The following GRID1 variants were observed in gnomAD, a reference collection of about 807,000 sequenced individuals.
GRID1 encodes glutamate ionotropic receptor delta type subunit 1, also known as glutamate receptor ionotropic, delta-1.
In GRID1, 28 loss-of-function variants were observed where a neutral mutation model predicts 98.0. The observed-to-expected ratio is 0.29, with a 90% confidence interval of 0.21 to 0.39. GRID1 has a LOEUF of 0.39. GRID1 is among the 10% of genes least tolerant of loss of function. GRID1 has a pLI of 1.00. For missense variants in GRID1, 1,111 were observed against 1,340.5 expected (o/e 0.83, Z 2.67); for synonymous variants, 553 against 538.5 (o/e 1.03, Z -0.37).
chr10:85,747,135 C>T (rs986965703), intron 8 of GRID1, among the ~76,000 whole-genome samples: 4 of 152,106 alleles, frequency 2.6e-5, no homozygotes, highest in South Asian at 2.1e-4. Context: ...AGGCTCAGAA[C>T]GGTTAGGTGA....
intron 2 of GRID1, among the ~76,000 whole-genome samples, chr10:86,221,179 T>C (rs907573892): frequency 3.9e-5 from 6 of 152,186 alleles, no homozygotes; most frequent in Admixed American, 6.5e-5. Context: ...CCAGCAGGGA[T>C]GAGAGGGGCT....
At chr10:85,760,196 C>T (rs1842134177) in intron 8 of GRID1, among the ~76,000 whole-genome samples, 1 of 152,134 alleles carries the variant, frequency 6.6e-6, no homozygotes, top group Non-Finnish European at 1.5e-5. Context: ...TTTGTTTAGG[C>T]ACGAATAAGA....
chr10:85,665,939 C>T (rs913315181), intron 12 of GRID1, among the ~76,000 whole-genome samples: 6 of 152,030 alleles, frequency 3.9e-5, no homozygotes, highest in Non-Finnish European at 5.9e-5. Context: ...TCCACCAAGG[C>T]GAGGGTGGAG....
intron 3 of GRID1, among the ~76,000 whole-genome samples, chr10:86,161,023 A>G (rs1845314237): frequency 6.6e-6 from 1 of 152,154 alleles, no homozygotes; most frequent in Non-Finnish European, 1.5e-5. Context: ...GTTCTTGTGA[A>G]AAAGTGTTTA....
At chr10:85,654,751 A>G (rs1840874667) in intron 12 of GRID1, among the ~76,000 whole-genome samples, 1 of 152,210 alleles carries the variant, frequency 6.6e-6, no homozygotes, top group South Asian at 2.1e-4. Flanking sequence ...CTCAGGGCCC[A>G]TCAGTACTGA....
At chr10:86,109,515 C>CT in intron 4 of GRID1, among the ~76,000 whole-genome samples, 1 of 152,234 alleles carries the variant, frequency 6.6e-6, no homozygotes, top group Non-Finnish European at 1.5e-5. Flanking sequence ...CCTCTCATGT[C>CT]TCAACTCCAC....
chr10:86,059,301 G>A (rs1843618401), intron 4 of GRID1, among the ~76,000 whole-genome samples: 1 of 152,204 alleles, frequency 6.6e-6, no homozygotes, highest in Admixed American at 6.5e-5. Flanking sequence ...GTAACCTGCA[G>A]GTCACTCCTT....
At chr10:86,345,968 T>TCACTTCTTC (rs1463621915) in intron 2 of GRID1, among the ~76,000 whole-genome samples, 6 of 152,184 alleles carry the variant, frequency 3.9e-5, no homozygotes, top group Admixed American at 3.9e-4. Context: ...CACTTAAGAC[T>TCACTTCTTC]CAGCTCAGAA....
At position 86,183,657 on chromosome 10, in the gene GRID1, C is replaced by T. The variant is rs138118187; in HGVS notation, c.520+22707G>A. 4.0e-3 allele frequency among the ~76,000 whole-genome samples: 606 copies of T among 152,320 alleles called. 9 individuals carry two copies. The highest frequency in any genetic ancestry group is 0.014 in the African/African-American group (566 of 41,550). ...TACAGGCGTGAGCCACCACGCCCAG[C>T]CCAAAATGTTTTAATTCATTCACTT... On this transcript the variant is annotated intron_variant, in intron 3 of 15. Coordinates refer to ENST00000327946, the MANE Select transcript of GRID1 (RefSeq NM_017551.3).
intron 3 of GRID1, among the ~76,000 whole-genome samples, chr10:86,164,028 C>T (rs1344962540): frequency 6.6e-6 from 1 of 152,170 alleles, no homozygotes; most frequent in Non-Finnish European, 1.5e-5. Flanking sequence ...TCCAGCTGGC[C>T]ATAGTCCTAG....
chr10:85,945,297 A>C (rs2131840571), intron 4 of GRID1, among the ~76,000 whole-genome samples: 1 of 152,354 alleles, frequency 6.6e-6, no homozygotes, highest in Non-Finnish European at 1.5e-5. Flanking sequence ...ATAATTAAAA[A>C]CATATATGCT....
intron 13 of GRID1, among the ~76,000 whole-genome samples, chr10:85,641,252 T>C (rs1843112910): frequency 6.6e-6 from 1 of 152,220 alleles, no homozygotes; most frequent in East Asian, 1.9e-4. Context: ...CTTCATGTGA[T>C]GAAGTTATTA....
chr10:85,776,366 A>G (rs1231585414), intron 8 of GRID1, among the ~76,000 whole-genome samples: 1 of 152,262 alleles, frequency 6.6e-6, no homozygotes, highest in Admixed American at 6.5e-5. Context: ...AAGAACGTAG[A>G]GCAGACAATT....
intron 5 of GRID1, among the ~76,000 whole-genome samples, chr10:85,906,317 A>G (rs1336468594): frequency 2.0e-5 from 3 of 152,162 alleles, no homozygotes; most frequent in Admixed American, 1.3e-4. Context: ...GAGTATTTTA[A>G]TACTCCTCTC....
intron 2 of GRID1, among the ~76,000 whole-genome samples, chr10:86,318,307 T>C (rs1847925729): frequency 6.6e-6 from 1 of 152,210 alleles, no homozygotes; most frequent in Non-Finnish European, 1.5e-5. Context: ...ATTCTGCACA[T>C]CGCATGTAAC....
chr10:86,140,973 C>T (rs2131973537), intron 3 of GRID1, among the ~76,000 whole-genome samples: 1 of 152,204 alleles, frequency 6.6e-6, no homozygotes, highest in African/African-American at 2.4e-5. Flanking sequence ...GATCACCCAA[C>T]CATGACCTCA....
At chr10:86,200,411 G>C (rs1203429001) in intron 3 of GRID1, among the ~76,000 whole-genome samples, 1 of 152,174 alleles carries the variant, frequency 6.6e-6, no homozygotes, top group Admixed American at 6.5e-5. Flanking sequence ...CAGTGTCAGG[G>C]TGGAAGGAAT....
chr10:86,074,919 CTGAA>C (rs959980007), intron 4 of GRID1, among the ~76,000 whole-genome samples: 4 of 152,166 alleles, frequency 2.6e-5, no homozygotes, highest in African/African-American at 9.7e-5. Flanking sequence ...ATTGTAGTTG[CTGAA>C]TGAATGAACA....
chr10:85,667,097 A>C (rs1219488179), intron 12 of GRID1, among the ~76,000 whole-genome samples: 1 of 152,214 alleles, frequency 6.6e-6, no homozygotes, highest in African/African-American at 2.4e-5. Context: ...ACCCAGGATC[A>C]CTGATAACAG....
Sources: allele counts gnomAD v4.1 joint callset (sites outside exome capture counted in the v4.1 genomes callset), GRCh38; gene constraint gnomAD v4.1.1; transcripts MANE v1.5; gene names NCBI Gene and HGNC (gene_info 2026-07-23, HGNC 2026-07-21).